The following FAM200B variants were observed in gnomAD, a reference collection of about 807,000 sequenced individuals.
The protein encoded by FAM200B is zinc finger BED-type containing 11.
In FAM200B, 32 loss-of-function variants were observed where a neutral mutation model predicts 33.1. The observed-to-expected ratio is 0.97, with a 90% CI of 0.73 to 1.30. The LOEUF (loss-of-function observed/expected upper bound fraction) is 1.30. Among genes scored for constraint, FAM200B ranks in the 50% most tolerant of loss-of-function variants. FAM200B has a pLI of 0.00. For missense variants in FAM200B, 741 were observed against 754.0 expected, an observed-to-expected ratio of 0.98 and a Z score of 0.20; for synonymous variants, 240 against 264.8, an observed-to-expected ratio of 0.91 and a Z score of 0.91.
the FAM200B span, among the ~76,000 whole-genome samples, chr4:15,658,941 T>C: frequency 7.3e-3 from 1,111 of 152,324 alleles, 7 homozygotes; most frequent in Non-Finnish European, 1.0e-2. Context: ...GAGCTTGAGA[T>C]ATAAAGTTGA....
rs905742266 is a variant in FAM200B at position 15,689,016 on chromosome 4, T to C, written c.*65T>C. The C allele has an allele frequency of 8.3e-6, 10 of 1,210,816 alleles. No individual in the cohort carries two copies. Among genetic ancestry groups the C allele is most frequent in the Non-Finnish European group, 1.1e-5 (10 of 908,754 alleles). 75.0% of individuals were successfully genotyped at this position (1,210,816 alleles called of 1,614,324 possible). A position where few individuals can be genotyped will look rare whatever the true frequency, so the allele number is the denominator to read the frequency against. ...TATTTTGTAGTATTTTTCTATGTTATATTTAAATGGTACTATAATACTGTG... is the reference window on the plus strand; with the variant it reads ...TATTTTGTAGTATTTTTCTATGTTACATTTAAATGGTACTATAATACTGTG... On this transcript the variant is annotated 3_prime_UTR_variant, in exon 2 of 2. Transcript: ENST00000422728.
the FAM200B span, among the ~76,000 whole-genome samples, chr4:15,674,744 C>T: frequency 3.3e-5 from 5 of 151,638 alleles, no homozygotes; most frequent in African/African-American, 4.8e-5. Context: ...CCGCCTCCCA[C>T]GTTCACACTA....
At chr4:15,676,414 C>G in the FAM200B span, among the ~76,000 whole-genome samples, 1 of 151,950 alleles carries the variant, frequency 6.6e-6, no homozygotes, top group African/African-American at 2.4e-5. Context: ...AGACAAATGA[C>G]CTAATCTCTA....
the FAM200B span, among the ~76,000 whole-genome samples, chr4:15,670,610 A>C: frequency 3.3e-5 from 5 of 152,162 alleles, no homozygotes; most frequent in African/African-American, 1.2e-4. Flanking sequence ...AACTGAAGGC[A>C]GTTTTATGTC....
the FAM200B span, among the ~76,000 whole-genome samples, chr4:15,660,082 A>T: frequency 1.4e-5 from 2 of 140,516 alleles, no homozygotes; most frequent in South Asian, 2.3e-4. Flanking sequence ...TACCCCTGAC[A>T]TTTTTTTTTT....
chr4:15,658,958 C>G, the FAM200B span, among the ~76,000 whole-genome samples: 9 of 152,146 alleles, frequency 5.9e-5, no homozygotes, highest in African/African-American at 2.2e-4. Flanking sequence ...TTGAATAAAT[C>G]CTGATTACTG....
At chr4:15,651,258 G>T in the FAM200B span, among the ~76,000 whole-genome samples, 4 of 152,114 alleles carry the variant, frequency 2.6e-5, no homozygotes, top group African/African-American at 9.7e-5. Context: ...CTACCAATAA[G>T]TAGCAGAACT....
chr4:15,640,788 C>T, the FAM200B span: 1 of 1,486,264 alleles, frequency 6.7e-7, no homozygotes, highest in Admixed American at 2.2e-5. Context: ...TTATGCTTAC[C>T]TCCTCTTCCT....
the FAM200B span, chr4:15,640,949 G>T: frequency 2.1e-5 from 18 of 860,362 alleles, no homozygotes; most frequent in Non-Finnish European, 2.8e-5. Flanking sequence ...CTGGTCCCAG[G>T]AAGTTTAAAA....
At chr4:15,681,696 G>T (rs992769905), upstream of FAM200B, 11 of 152,764 alleles carry the variant, frequency 7.2e-5, no homozygotes, top group Admixed American at 6.5e-4. Context: ...TGCACCGCCC[G>T]CTCCCGGCAC....
the FAM200B span, among the ~76,000 whole-genome samples, chr4:15,654,892 C>T: frequency 6.6e-6 from 1 of 152,106 alleles, no homozygotes; most frequent in Non-Finnish European, 1.5e-5. Flanking sequence ...GGAGTCCCAG[C>T]GCGGCGGTGG....
rs1719059560 is a variant in FAM200B at position 15,688,111 on chromosome 4, C to T, written c.1134C>T (p.Thr378=). ...GTTCAGAGATTGGAACTAATCATAC[C>T]CACTTACTATATCATACCAAAATTC... ...TFCSEIGTNH[T]HLLYHTKIRW... is the part of the protein sequence containing the mutation. Residue 378 remains threonine (T), a synonymous_variant, in exon 2 of 2, where the codon ACC becomes ACT. Coordinates refer to ENST00000422728, the MANE Select transcript of FAM200B (RefSeq NM_001145191.2). The T allele has an allele frequency of 6.4e-7, 1 of 1,551,096 alleles. No homozygotes were observed. Among genetic ancestry groups the T allele is most frequent in the South Asian group, 1.2e-5 (1 of 84,040 alleles).
the FAM200B span, among the ~76,000 whole-genome samples, chr4:15,649,957 G>A: frequency 6.6e-6 from 1 of 152,110 alleles, no homozygotes; most frequent in African/African-American, 2.4e-5. Flanking sequence ...CATACACAAT[G>A]TTAGTCCCAT....
the FAM200B span, among the ~76,000 whole-genome samples, chr4:15,668,399 A>T: frequency 6.6e-6 from 1 of 152,056 alleles, no homozygotes; most frequent in Non-Finnish European, 1.5e-5. Flanking sequence ...AAGTGACAAA[A>T]CAGAGAAAAG....
the FAM200B span, among the ~76,000 whole-genome samples, chr4:15,676,236 T>C: frequency 6.6e-6 from 1 of 152,230 alleles, no homozygotes; most frequent in Admixed American, 6.5e-5. Context: ...TATGATGCAA[T>C]AGGATGTTTA....
the FAM200B span, among the ~76,000 whole-genome samples, chr4:15,669,505 C>T: frequency 3.3e-5 from 5 of 152,048 alleles, no homozygotes; most frequent in Admixed American, 2.6e-4. Context: ...CTACTGCATT[C>T]CAGCCTTGGC....
intron 1 of FAM200B, among the ~76,000 whole-genome samples, chr4:15,685,637 A>C (rs1718762721): frequency 1.3e-5 from 2 of 152,200 alleles, no homozygotes; most frequent in Admixed American, 1.3e-4. Flanking sequence ...GGACCCACCT[A>C]GATACCAAAT....
chr4:15,661,013 G>T, the FAM200B span, among the ~76,000 whole-genome samples: 18 of 151,730 alleles, frequency 1.2e-4, no homozygotes, highest in African/African-American at 4.4e-4. Context: ...AGAGAAGGAG[G>T]TTGCAGTGAG....
At chr4:15,646,490 A>C in the FAM200B span, among the ~76,000 whole-genome samples, 1 of 151,630 alleles carries the variant, frequency 6.6e-6, no homozygotes, top group African/African-American at 2.4e-5. Flanking sequence ...ACTTAAAAAT[A>C]GCCTTAGTAG....
Sources: allele counts gnomAD v4.1 joint callset (sites outside exome capture counted in the v4.1 genomes callset), GRCh38; gene constraint gnomAD v4.1.1; transcripts MANE v1.5; gene names NCBI Gene and HGNC (gene_info 2026-07-23, HGNC 2026-07-21).